CCND3: variants seen among roughly 807,000 people sequenced by gnomAD.
The protein encoded by CCND3 is cyclin D3, also known as G1/S-specific cyclin-D3.
Under a neutral mutation model 28.7 loss-of-function variants are expected in CCND3, and 9 were observed. The observed-to-expected ratio is 0.31, with a 90% CI of 0.19 to 0.55. The LOEUF (loss-of-function observed/expected upper bound fraction) is 0.55. Ranked by LOEUF, CCND3 falls within the 20% of genes least tolerant of loss-of-function variation. The pLI, the probability that CCND3 is intolerant of heterozygous loss-of-function variation, is 0.93. For missense variants in CCND3, 315 were observed against 385.8 expected (o/e 0.82, Z 1.54); for synonymous variants, 164 against 163.9 (o/e 1.00, Z 0.00).
rs546727261 is a variant in CCND3 at position 41,976,916 on chromosome 6, G to A, written c.-45-36331C>T. 5.3e-5 allele frequency among the ~76,000 whole-genome samples: 8 copies of A among 152,150 alleles called. No individual in the cohort carries two copies. The East Asian group carries it at 1.4e-3, about 26-fold the overall frequency. On this transcript the variant is annotated intron_variant, in intron 1 of 4. Coordinates refer to the CCND3 transcript ENST00000372988. Reference sequence around the variant, plus strand: ...ATGCTTGAGGCTGCTGTTTGTTCAGGGTCATAGGGCAGCAGTCCCTAAACC... The same window carrying A: ...ATGCTTGAGGCTGCTGTTTGTTCAGAGTCATAGGGCAGCAGTCCCTAAACC...
At chr6:41,966,446 T>C (rs1299699002) in intron 1 of CCND3, among the ~76,000 whole-genome samples, 1 of 151,784 alleles carries the variant, frequency 6.6e-6, no homozygotes, top group African/African-American at 2.4e-5. Context: ...CTGATGGCCC[T>C]GTTATACTCC....
intron 1 of CCND3, among the ~76,000 whole-genome samples, chr6:41,963,836 C>T (rs542734498): frequency 3.3e-5 from 5 of 152,170 alleles, no homozygotes; most frequent in East Asian, 1.9e-4. Context: ...TGGCTGTTCC[C>T]TCTGCCTGGA....
At chr6:41,957,500 G>T (rs545155524) in intron 1 of CCND3, among the ~76,000 whole-genome samples, 1 of 152,158 alleles carries the variant, frequency 6.6e-6, no homozygotes, top group Non-Finnish European at 1.5e-5. Context: ...CATGAAGCTC[G>T]CAGGGTGTGG....
In CCND3 at chr6:41,940,548, G is replaced by A. The variant is rs747544078; in HGVS notation, c.236C>T (p.Pro79Leu). The change falls in exon 2 of 5, where the codon CCC (proline) becomes CTC (leucine). Residue 79 changes from proline to leucine, a missense_variant. By Grantham distance (98) the Pro-to-Leu change is moderately conservative. Transcript: ENST00000372991. ...GCGATCCAGGTAGTTCATGGCCAGG[G>A]GGAAGACTTCCTCCTCACAGCGCTG... Reference protein sequence around the residue: ...EEQRCEEEVFPLAMNYLDRYL... With the variant: ...EEQRCEEEVFLLAMNYLDRYL... The A allele has an allele frequency of 1.2e-6, 2 of 1,613,858 alleles. No homozygotes were observed. The highest frequency in any genetic ancestry group is 2.2e-5 in the East Asian group (1 of 44,842).
intron 1 of CCND3, among the ~76,000 whole-genome samples, chr6:41,988,997 C>G (rs2127415407): frequency 6.6e-6 from 1 of 152,102 alleles, no homozygotes; most frequent in African/African-American, 2.4e-5. Context: ...CCTCGCCCGG[C>G]CGATAAGCTG....
intron 1 of CCND3, among the ~76,000 whole-genome samples, chr6:41,949,265 TGAGGCCAGTCGTTCAAGACCAGC>T (rs1776246150): frequency 1.3e-5 from 2 of 151,734 alleles, no homozygotes; most frequent in Non-Finnish European, 2.9e-5. Flanking sequence ...GTGGATCACT[TGAGGCCAGTCGTTCAAGACCAGC>T]GAGGCCAGGC....
intron 1 of CCND3, among the ~76,000 whole-genome samples, chr6:42,024,353 A>C (rs955668735): frequency 2.2e-4 from 34 of 151,330 alleles, no homozygotes; most frequent in Admixed American, 1.3e-3. Context: ...TAGTGAGCGG[A>C]GATCACGCCA....
chr6:42,032,788 G>A (rs1336818911), intron 1 of CCND3, among the ~76,000 whole-genome samples: 3 of 152,184 alleles, frequency 2.0e-5, no homozygotes, highest in East Asian at 1.9e-4. Context: ...TTTCCACGAT[G>A]TGCAGACTGG....
intron 1 of CCND3, among the ~76,000 whole-genome samples, chr6:42,046,554 G>C (rs574233091): frequency 4.6e-5 from 7 of 152,336 alleles, no homozygotes; most frequent in African/African-American, 1.7e-4. Flanking sequence ...TATAATCTTA[G>C]TTCATTCCTC....
chr6:41,961,660 T>C (rs1214981506), intron 1 of CCND3, among the ~76,000 whole-genome samples: 1 of 152,088 alleles, frequency 6.6e-6, no homozygotes, highest in South Asian at 2.1e-4. Flanking sequence ...ATTGCCTCCC[T>C]CTAGATAAGC....
At chr6:42,031,666 T>C (rs1041435551) in intron 1 of CCND3, among the ~76,000 whole-genome samples, 1 of 152,168 alleles carries the variant, frequency 6.6e-6, no homozygotes, top group African/African-American at 2.4e-5. Flanking sequence ...ATAACCACTG[T>C]TAACACTGTG....
intron 1 of CCND3, among the ~76,000 whole-genome samples, chr6:41,963,416 C>G (rs1761774017): frequency 6.6e-6 from 1 of 152,234 alleles, no homozygotes; most frequent in African/African-American, 2.4e-5. Flanking sequence ...CACACTATTT[C>G]AGGGTCTGGG....
At chr6:42,002,623 C>A (rs1019644204) in intron 1 of CCND3, among the ~76,000 whole-genome samples, 1 of 151,776 alleles carries the variant, frequency 6.6e-6, no homozygotes, top group Non-Finnish European at 1.5e-5. Flanking sequence ...GAGGCCGAGG[C>A]GGGTGGATCA....
chr6:42,040,767 C>T (rs1308130828), intron 1 of CCND3, among the ~76,000 whole-genome samples: 2 of 151,470 alleles, frequency 1.3e-5, no homozygotes, highest in Admixed American at 1.3e-4. Flanking sequence ...CAGAGAATTG[C>T]TTGAACCCAG....
chr6:41,946,044 G>T (rs1306152829), upstream of CCND3, among the ~76,000 whole-genome samples: 4 of 152,114 alleles, frequency 2.6e-5, no homozygotes, highest in Admixed American at 2.6e-4. Flanking sequence ...GTAAACGCAT[G>T]GTCTAGCGTA....
intron 1 of CCND3, among the ~76,000 whole-genome samples, chr6:41,988,907 G>C (rs1762570711): frequency 6.6e-6 from 1 of 151,358 alleles, no homozygotes; most frequent in Non-Finnish European, 1.5e-5. Context: ...CACTGTGTTA[G>C]CCAGGATGGT....
chr6:41,996,767 C>T (rs1307506260), intron 1 of CCND3, among the ~76,000 whole-genome samples: 2 of 150,650 alleles, frequency 1.3e-5, no homozygotes, highest in Non-Finnish European at 3.0e-5. Flanking sequence ...CAGGTTCAAG[C>T]GATTCTCCTG....
intron 2 of CCND3, 151 bp from the exon 3 acceptor site, chr6:41,937,545 T>C: frequency 2.3e-6 from 2 of 868,756 alleles, no homozygotes; most frequent in South Asian, 1.7e-5. Context: ...CCGGGCACCA[T>C]GGAGTTCAAG....
At chr6:41,990,731 T>C (rs1212780170) in intron 1 of CCND3, among the ~76,000 whole-genome samples, 1 of 138,270 alleles carries the variant, frequency 7.2e-6, no homozygotes, top group Non-Finnish European at 1.5e-5. Context: ...TGGAGTGCAG[T>C]GGCAAAGTGG....
Sources: allele counts gnomAD v4.1 joint callset (sites outside exome capture counted in the v4.1 genomes callset), GRCh38; gene constraint gnomAD v4.1.1; transcripts MANE v1.5; gene names NCBI Gene and HGNC (gene_info 2026-07-23, HGNC 2026-07-21).